The following GABRB2 variants were observed in gnomAD, a reference collection of about 807,000 sequenced individuals.
GABRB2 encodes the protein gamma-aminobutyric acid receptor subunit beta-2.
In GABRB2, 16 loss-of-function variants were observed where a neutral mutation model predicts 54.7. The observed-to-expected ratio is 0.29, with a 90% CI of 0.20 to 0.44. GABRB2 has a LOEUF of 0.44. GABRB2 is among the 20% of genes least tolerant of loss of function. GABRB2 has a pLI of 1.00. For missense variants in GABRB2, 355 were observed against 644.0 expected (o/e 0.55, Z 4.86); for synonymous variants, 244 against 233.8 (o/e 1.04, Z -0.40).
chr5:161,368,014 A>G (rs1296166941), intron 5 of GABRB2, among the ~76,000 whole-genome samples: 1 of 152,006 alleles, frequency 6.6e-6, no homozygotes, highest in African/African-American at 2.4e-5. Context: ...AAATCTTAAC[A>G]CTATTGTCCA....
At chr5:161,394,288 G>A (rs2113051788) in intron 5 of GABRB2, among the ~76,000 whole-genome samples, 1 of 151,900 alleles carries the variant, frequency 6.6e-6, no homozygotes, top group Non-Finnish European at 1.5e-5. Flanking sequence ...GTGGCTCAAA[G>A]TATCATCTTA....
At chr5:161,307,518 C>T (rs1348619721) in intron 9 of GABRB2, among the ~76,000 whole-genome samples, 1 of 152,184 alleles carries the variant, frequency 6.6e-6, no homozygotes, top group East Asian at 1.9e-4. Flanking sequence ...GCTTTGAATG[C>T]TAGCTCCTCT....
Position 161,330,906 on chromosome 5 carries a change from T to C in GABRB2, c.1054A>G (p.Lys352Glu). The C allele has an allele frequency of 6.2e-7, 1 of 1,614,226 alleles. No individual in the cohort carries two copies. Residue 352 changes from lysine to glutamate, a missense_variant, in exon 8 of 10, where the codon AAG becomes GAG. Lys to Glu is a moderately conservative substitution (Grantham distance 56, BLOSUM62 1). This residue lies in a region of GABRB2 where 201 missense variants were observed against 228.1 expected (regional missense o/e 0.88). Transcript: ENST00000393959. ...AEKAASANNE[K>E]MRLDVNKIFY... ...ACCTTGTTGACATCCAGGCGCATCT[T>C]CTCATTGTTGGCACTGGCAGCCTTC...
At chr5:161,429,698 A>G (rs180804367) in intron 4 of GABRB2, among the ~76,000 whole-genome samples, 3 of 152,326 alleles carry the variant, frequency 2.0e-5, no homozygotes, top group Non-Finnish European at 4.4e-5. Context: ...ACTTCAGAGC[A>G]TAATTATGAC....
At chr5:161,358,922 G>A (rs558630542) in intron 5 of GABRB2, among the ~76,000 whole-genome samples, 2 of 152,300 alleles carry the variant, frequency 1.3e-5, no homozygotes, top group East Asian at 1.9e-4. Flanking sequence ...AATTTAAAGT[G>A]TGAGCAGTCA....
chr5:161,300,906 CT>C (rs1158052040), intron 9 of GABRB2, among the ~76,000 whole-genome samples: 1 of 152,180 alleles, frequency 6.6e-6, no homozygotes, highest in East Asian at 1.9e-4. Context: ...TGAAAAACAG[CT>C]TTCATAGACA....
intron 3 of GABRB2, among the ~76,000 whole-genome samples, chr5:161,535,924 C>T (rs1760620180): frequency 6.6e-6 from 1 of 152,004 alleles, no homozygotes; most frequent in African/African-American, 2.4e-5. Flanking sequence ...CCACTGAGAG[C>T]TAATTATTAA....
intron 5 of GABRB2, among the ~76,000 whole-genome samples, chr5:161,364,034 A>G (rs189515060): frequency 1.1e-3 from 163 of 152,330 alleles, no homozygotes; most frequent in Non-Finnish European, 1.3e-3. Flanking sequence ...AAAATCACAT[A>G]GTATTTTCAA....
chr5:161,544,058 G>A (rs775106813), intron 3 of GABRB2, among the ~76,000 whole-genome samples: 1 of 152,172 alleles, frequency 6.6e-6, no homozygotes, highest in Non-Finnish European at 1.5e-5. Context: ...GACAGTGTAT[G>A]AGGACTATGT....
chr5:161,436,643 T>C lies in GABRB2; in HGVS notation c.458+22981A>G, dbSNP rs541456875. ...CACAAGGACACCAAGTTAACAACTA[T>C]CTACACAGAAAAATATACTTTCATA... On this transcript the variant is annotated intron_variant, in intron 4 of 9. Coordinates refer to ENST00000393959, the MANE Select transcript of GABRB2 (RefSeq NM_001371727.1). Among the ~76,000 whole-genome samples the C allele has an allele frequency of 1.3e-4, 20 of 152,172 alleles. No homozygotes were observed. In the South Asian group the frequency reaches 3.5e-3, roughly 27 times the overall value.
intron 3 of GABRB2, among the ~76,000 whole-genome samples, chr5:161,481,467 A>G (rs1436292596): frequency 1.3e-5 from 2 of 152,024 alleles, no homozygotes; most frequent in Admixed American, 1.3e-4. Flanking sequence ...ACCAAAATGA[A>G]TTTCTGACTT....
At chr5:161,427,155 T>C (rs1757023488) in intron 4 of GABRB2, among the ~76,000 whole-genome samples, 1 of 152,256 alleles carries the variant, frequency 6.6e-6, no homozygotes, top group Non-Finnish European at 1.5e-5. Context: ...ATCTGAAAAT[T>C]AGTTGTTTGA....
chr5:161,481,887 G>A (rs1317128598), intron 3 of GABRB2, among the ~76,000 whole-genome samples: 1 of 151,906 alleles, frequency 6.6e-6, no homozygotes, highest in Non-Finnish European at 1.5e-5. Flanking sequence ...ATCCAGAAAG[G>A]AGTCAATGGT....
intron 9 of GABRB2, among the ~76,000 whole-genome samples, chr5:161,304,319 A>C (rs996829793): frequency 1.3e-5 from 2 of 152,232 alleles, no homozygotes; most frequent in Non-Finnish European, 2.9e-5. Context: ...TTTGCCTTCC[A>C]CTTCCATTTA....
chr5:161,416,810 A>G (rs1339200947), intron 4 of GABRB2, among the ~76,000 whole-genome samples: 2 of 151,860 alleles, frequency 1.3e-5, no homozygotes, highest in Non-Finnish European at 2.9e-5. Context: ...GTGCATTTAC[A>G]TAAAAGCACA....
intron 3 of GABRB2, among the ~76,000 whole-genome samples, chr5:161,469,938 G>A (rs1758389989): frequency 6.6e-6 from 1 of 151,908 alleles, no homozygotes; most frequent in Non-Finnish European, 1.5e-5. Context: ...TAGAAAGGAT[G>A]ATCCCTGTTT....
intron 9 of GABRB2, among the ~76,000 whole-genome samples, chr5:161,309,160 G>T (rs921657172): frequency 1.3e-5 from 2 of 151,360 alleles, no homozygotes; most frequent in Non-Finnish European, 2.9e-5. Context: ...AAATTTACAA[G>T]ACAAAAATAA....
At chr5:161,347,638 A>G (rs933840633) in intron 5 of GABRB2, among the ~76,000 whole-genome samples, 1 of 152,138 alleles carries the variant, frequency 6.6e-6, no homozygotes, top group Non-Finnish European at 1.5e-5. Flanking sequence ...CTAGCCAGAC[A>G]GTCTTCAGCC....
intron 4 of GABRB2, among the ~76,000 whole-genome samples, chr5:161,438,657 A>T (rs1757377598): frequency 6.6e-6 from 1 of 152,166 alleles, no homozygotes; most frequent in Non-Finnish European, 1.5e-5. Flanking sequence ...AAGATAACAC[A>T]GAGAAGAAGT....
Sources: gnomAD v4.1 joint callset for allele counts (sites outside exome capture counted in the v4.1 genomes callset) on GRCh38, gnomAD v4.1.1 for gene constraint, gnomAD v4.1.1 regional missense constraint, MANE v1.5 for transcripts, NCBI Gene and HGNC (gene_info 2026-07-23, HGNC 2026-07-21) for gene names.